TFB1M: variants seen among roughly 807,000 people sequenced by gnomAD.
TFB1M encodes transcription factor B1, mitochondrial.
A neutral mutation model predicts 31.1 loss-of-function variants in TFB1M; 27 were observed. The ratio of observed to expected loss-of-function variants is 0.87; its 90% CI spans 0.64 to 1.20. The LOEUF (loss-of-function observed/expected upper bound fraction) is 1.20, where lower values mean the gene tolerates loss of function less well. TFB1M is among the 50% of genes most tolerant of loss of function. TFB1M has a pLI of 0.00. For synonymous variants in TFB1M, 166 were observed against 151.8 expected (o/e 1.09, Z -0.69); for missense variants, 394 against 418.7 (o/e 0.94, Z 0.51).
At chr6:155,298,619 T>G in intron 2 of TFB1M, 34 bp from the exon 3 acceptor site, 1 of 1,384,440 alleles carries the variant, frequency 7.2e-7, no homozygotes, top group Non-Finnish European at 1.0e-6. Context: ...AATGAGCTCA[T>G]ATACTTATGC....
chr6:155,268,242 T>C (rs1784752635), intron 5 of TFB1M, among the ~76,000 whole-genome samples: 1 of 152,172 alleles, frequency 6.6e-6, no homozygotes, highest in Non-Finnish European at 1.5e-5. Flanking sequence ...CATAGCCAAG[T>C]GCTCTTAAAC....
the TFB1M span, chr6:155,249,707 G>C: frequency 3.4e-6 from 2 of 585,548 alleles, no homozygotes; most frequent in East Asian, 6.0e-5. Context: ...GTGGGCTGTT[G>C]TGACTTATTC....
chr6:155,301,249 A>C (rs578168296), intron 2 of TFB1M, among the ~76,000 whole-genome samples: 1 of 152,294 alleles, frequency 6.6e-6, no homozygotes, highest in African/African-American at 2.4e-5. Context: ...GCAACTCCCC[A>C]CTGCAGAAGG....
downstream of TFB1M, chr6:155,253,412 A>G (rs1455065168): frequency 4.3e-6 from 1 of 234,482 alleles, no homozygotes; most frequent in Non-Finnish European, 8.3e-6. Context: ...AAGGTTAGGT[A>G]GTACTGTAGG....
Position 155,297,054 on chromosome 6 carries a change from G to A in TFB1M, c.445C>T (p.Pro149Ser). The A allele has an allele frequency of 4.3e-6, 7 of 1,613,884 alleles. No individual in the cohort carries two copies. The highest frequency in any genetic ancestry group is 5.9e-6 in the Non-Finnish European group (7 of 1,179,928). ...TTTTCAAGCCACTTGATAATCAGTG[G>A]AGTTGAAACACTAAAAGGCAGATTT... ...IGNLPFSVSTPLIIKWLENIS... is the reference protein window; with the variant it reads ...IGNLPFSVSTSLIIKWLENIS... Residue 149 changes from proline to serine, a missense_variant, in exon 4 of 7, where the codon CCA becomes TCA. Physicochemically the swap from Pro to Ser is moderately conservative, Grantham distance 74. Coordinates refer to ENST00000367166, the MANE Select transcript of TFB1M (RefSeq NM_016020.4).
intron 5 of TFB1M, among the ~76,000 whole-genome samples, chr6:155,284,162 T>C (rs1337324119): frequency 6.6e-6 from 1 of 152,220 alleles, no homozygotes. Flanking sequence ...CAAAGAAGTA[T>C]GAAGGTGGCA....
chr6:155,245,721 T>C, the TFB1M span: 3 of 1,596,472 alleles, frequency 1.9e-6, no homozygotes, highest in African/African-American at 2.7e-5. Flanking sequence ...TACAGAAGGT[T>C]CTGGAGCGAG....
intron 5 of TFB1M, among the ~76,000 whole-genome samples, chr6:155,261,351 A>G (rs1227971813): frequency 1.3e-5 from 2 of 152,358 alleles, no homozygotes; most frequent in East Asian, 3.9e-4. Flanking sequence ...ACGGCAATTT[A>G]GGAGGTGTGG....
intron 2 of TFB1M, among the ~76,000 whole-genome samples, chr6:155,305,627 T>A (rs866037174): frequency 4.7e-5 from 2 of 42,434 alleles, no homozygotes; most frequent in African/African-American, 2.0e-4. Context: ...AATTATATAT[T>A]TATATATATA....
At chr6:155,303,164 C>G (rs554742289) in intron 2 of TFB1M, 2 of 152,248 alleles carry the variant, frequency 1.3e-5, no homozygotes, top group Non-Finnish European at 2.9e-5. Context: ...ATACATTGTA[C>G]ACAACGTACA....
At position 155,258,028 on chromosome 6, in the gene TFB1M, C is replaced by T. The variant is rs760584427; in HGVS notation, c.849G>A (p.Leu283=). The part of the protein sequence containing the change: ...RLESTGRLLE[L]ADIDPTLRPR... ...GCCGAAGAGTAGGGTCTATGTCTGC[C>T]AACTCTAACAGCCTGCCCGTGCTTT... The change falls in exon 7 of 7, where the codon TTG becomes TTA. Residue 283 remains leucine, a synonymous_variant. Coordinates refer to ENST00000367166, the MANE Select transcript of TFB1M (RefSeq NM_016020.4). 9 of 1,614,180 alleles carry T rather than the reference C, an allele frequency of 5.6e-6. No individual in the cohort carries two copies. The South Asian group carries it at 9.9e-5, about 18-fold the overall frequency.
intron 5 of TFB1M, chr6:155,275,594 TG>T: frequency 1.1e-6 from 1 of 919,662 alleles, no homozygotes; most frequent in Non-Finnish European, 1.7e-6. Context: ...CGCTCAATCC[TG>T]GTTTTGCCTT....
At position 155,257,619 on chromosome 6, in the gene TFB1M, A is replaced by ATAAC; in HGVS notation, c.*213_*216dup. 1 of 552,072 alleles carries ATAAC rather than the reference A, an allele frequency of 1.8e-6. No homozygotes were observed. The highest frequency in any genetic ancestry group is 3.2e-6 in the Non-Finnish European group (1 of 316,722). The allele number at this position is 552,072 out of a possible 1,614,324, so 34.2% of individuals were successfully genotyped here. On this transcript the variant is annotated 3_prime_UTR_variant, in exon 7 of 7. Coordinates refer to ENST00000367166, the MANE Select transcript of TFB1M (RefSeq NM_016020.4). ...AGATGCTGTTTATACTAAACATGTCATAACTATCTATACAGTATATATTAA... is the reference window on the plus strand; with the variant it reads ...AGATGCTGTTTATACTAAACATGTCATAACTAACTATCTATACAGTATATATTAA...
chr6:155,250,665 T>G, the TFB1M span: 2 of 1,514,004 alleles, frequency 1.3e-6, no homozygotes, highest in South Asian at 2.4e-5. Flanking sequence ...TCACAAGGCA[T>G]GTCTCACCTA....
chr6:155,249,690 G>A, the TFB1M span, among the ~76,000 whole-genome samples: 2 of 152,298 alleles, frequency 1.3e-5, no homozygotes, highest in Admixed American at 1.3e-4. Context: ...CTAAGGGCTG[G>A]GCTACAGTGG....
rs1292806936 is a variant in TFB1M, at chr6:155,256,703, A to C, written c.*1133T>G. ...GCAGATTTTGCCGACAATCTCATCA[A>C]AGAGAGTGACATCCTGAGCGATGAA... On this transcript the variant is annotated 3_prime_UTR_variant, in exon 7 of 7. Coordinates refer to ENST00000367166, the MANE Select transcript of TFB1M (RefSeq NM_016020.4). 3 of 1,614,156 alleles carry C rather than the reference A, an allele frequency of 1.9e-6. No individual in the cohort carries two copies. The highest frequency in any genetic ancestry group is 2.5e-6 in the Non-Finnish European group (3 of 1,180,032).
intron 5 of TFB1M, among the ~76,000 whole-genome samples, chr6:155,264,532 G>A (rs934974563): frequency 2.0e-5 from 3 of 152,048 alleles, no homozygotes; most frequent in African/African-American, 2.4e-5. Flanking sequence ...TCAACTACAC[G>A]GTCAGTACCT....
At chr6:155,245,755 G>GT in the TFB1M span, 239,989 of 1,006,698 alleles carry the variant, frequency 0.24, 6,594 homozygotes, top group East Asian at 0.34. Flanking sequence ...GCCTTTTATA[G>GT]TTTTTTTTTT....
the TFB1M span, chr6:155,249,822 T>A: frequency 1.5e-5 from 24 of 1,567,960 alleles, no homozygotes; most frequent in African/African-American, 2.4e-4. Flanking sequence ...ATAACAGTTA[T>A]GAAATAAATA....
Sources: gnomAD v4.1 joint callset for allele counts (sites outside exome capture counted in the v4.1 genomes callset) on GRCh38, gnomAD v4.1.1 for gene constraint, MANE v1.5 for transcripts, NCBI Gene and HGNC (gene_info 2026-07-23, HGNC 2026-07-21) for gene names.